FAM228B: variants seen among roughly 807,000 people sequenced by gnomAD.
FAM228B encodes family with sequence similarity 228 member B, also known as protein FAM228B.
In FAM228B, 38 loss-of-function variants were observed where a neutral mutation model predicts 42.6. That is an observed-to-expected ratio of 0.89 (90% CI 0.69 to 1.17). FAM228B has a LOEUF of 1.17. Among genes scored for constraint, FAM228B ranks in the 50% most tolerant of loss-of-function variants. The pLI is 0.00. For synonymous variants in FAM228B, 109 were observed against 122.3 expected, an observed-to-expected ratio of 0.89 and a Z score of 0.72; for missense variants, 344 against 367.3, an observed-to-expected ratio of 0.94 and a Z score of 0.52.
chr2:24,161,106 T>C (rs774231943), intron 7 of FAM228B, among the ~76,000 whole-genome samples: 17 of 152,242 alleles, frequency 1.1e-4, no homozygotes, highest in Non-Finnish European at 2.9e-5. Context: ...GCAGTCAGTG[T>C]ATAATAATAT....
At chr2:24,088,262 A>G (rs1028639911) in intron 2 of FAM228B, among the ~76,000 whole-genome samples, 3 of 151,928 alleles carry the variant, frequency 2.0e-5, no homozygotes, top group Admixed American at 6.6e-5. Flanking sequence ...GTGTACCCCA[A>G]CTCCATGGGG....
intron 2 of FAM228B, chr2:24,083,098 C>T (rs1480402478): frequency 6.2e-7 from 1 of 1,613,990 alleles, no homozygotes; most frequent in Non-Finnish European, 8.5e-7. Context: ...TGTCCAGATG[C>T]CTCAAGTCCC....
chr2:24,109,451 TAATTA>T (rs1433648992), intron 3 of FAM228B, among the ~76,000 whole-genome samples: 4 of 152,202 alleles, frequency 2.6e-5, no homozygotes, highest in African/African-American at 9.6e-5. Flanking sequence ...AAATGGCATG[TAATTA>T]AATTAAAGAG....
chr2:24,094,888 T>G (rs921462542), intron 2 of FAM228B, among the ~76,000 whole-genome samples: 1 of 151,842 alleles, frequency 6.6e-6, no homozygotes, highest in Non-Finnish European at 1.5e-5. Context: ...AGTTCAGGAG[T>G]TGGAGACCAG....
At chr2:24,106,990 G>A (rs1402524152) in intron 3 of FAM228B, among the ~76,000 whole-genome samples, 2 of 151,970 alleles carry the variant, frequency 1.3e-5, no homozygotes, top group African/African-American at 4.8e-5. Flanking sequence ...TGGCAAGCTG[G>A]ATAAAAAAGC....
chr2:24,081,665 C>T (rs1665006878), intron 2 of FAM228B, among the ~76,000 whole-genome samples: 1 of 151,952 alleles, frequency 6.6e-6, no homozygotes, highest in African/African-American at 2.4e-5. Flanking sequence ...CTACTGAGTG[C>T]AGTGGCTGGT....
At chr2:24,125,770 C>T (rs1426013140) in intron 2 of FAM228B, among the ~76,000 whole-genome samples, 1 of 152,088 alleles carries the variant, frequency 6.6e-6, no homozygotes, top group African/African-American at 2.4e-5. Flanking sequence ...ACCATGTTGG[C>T]CAGGCTGGTC....
intron 4 of FAM228B, 72 bp downstream of exon 4, chr2:24,138,172 TTCAG>T (rs1666652774): frequency 2.5e-6 from 3 of 1,203,210 alleles, no homozygotes; most frequent in Admixed American, 2.7e-5. Context: ...TTTATAATCA[TTCAG>T]TCAGTCTGTC....
chr2:24,119,778 C>T (rs1666038124), upstream of FAM228B: 3 of 850,312 alleles, frequency 3.5e-6, no homozygotes, highest in Admixed American at 6.6e-5. Context: ...TCCTGATTTC[C>T]ATATGTTTGG....
chr2:24,105,869 G>A (rs1665689687), intron 3 of FAM228B, among the ~76,000 whole-genome samples: 1 of 152,178 alleles, frequency 6.6e-6, no homozygotes, highest in Admixed American at 6.5e-5. Flanking sequence ...GAATCCCAGA[G>A]CTTGAAGACT....
At chr2:24,126,456 T>C (rs1266146392) in intron 2 of FAM228B, among the ~76,000 whole-genome samples, 1 of 152,248 alleles carries the variant, frequency 6.6e-6, no homozygotes. Flanking sequence ...GAGCATCTTT[T>C]CAAGTCTTAC....
At chr2:24,129,622 T>C (rs188874589) in intron 2 of FAM228B, among the ~76,000 whole-genome samples, 30 of 152,226 alleles carry the variant, frequency 2.0e-4, no homozygotes, top group Non-Finnish European at 3.1e-4. Flanking sequence ...TACTAACCCA[T>C]TGAGGTTTGT....
intron 2 of FAM228B, among the ~76,000 whole-genome samples, chr2:24,129,334 G>A (rs1413034460): frequency 1.3e-5 from 2 of 149,502 alleles, no homozygotes; most frequent in Non-Finnish European, 3.0e-5. Flanking sequence ...GTTGTTTCAG[G>A]TGGGAGAGTA....
chr2:24,155,805 G>T (rs1446738189), intron 7 of FAM228B, among the ~76,000 whole-genome samples: 1 of 152,022 alleles, frequency 6.6e-6, no homozygotes, highest in African/African-American at 2.4e-5. Context: ...CTCCCAAAGT[G>T]CTGGGATTAC....
At chr2:24,093,820 T>C (rs1376890317) in intron 2 of FAM228B, among the ~76,000 whole-genome samples, 1 of 152,020 alleles carries the variant, frequency 6.6e-6, no homozygotes, top group African/African-American at 2.4e-5. Flanking sequence ...GGTTTCACCA[T>C]ATTGGCCAGG....
intron 7 of FAM228B, among the ~76,000 whole-genome samples, chr2:24,160,735 T>C (rs1667266302): frequency 6.6e-6 from 1 of 152,220 alleles, no homozygotes; most frequent in Admixed American, 6.5e-5. Context: ...GCAAAATTTA[T>C]GTTCTACGCA....
chr2:24,165,565 A>G (rs1335722706), intron 9 of FAM228B: 1 of 426,630 alleles, frequency 2.3e-6, no homozygotes. Context: ...GCAGCTGTCA[A>G]CCTCTTCTGA....
intron 8 of FAM228B, among the ~76,000 whole-genome samples, chr2:24,163,016 A>G (rs1395613894): frequency 6.6e-6 from 1 of 152,170 alleles, no homozygotes; most frequent in East Asian, 1.9e-4. Context: ...CTGTAAATAT[A>G]CTAAAAACCA....
At chr2:24,107,141 C>T (rs1277860727) in intron 3 of FAM228B, among the ~76,000 whole-genome samples, 1 of 151,980 alleles carries the variant, frequency 6.6e-6, no homozygotes, top group Non-Finnish European at 1.5e-5. Flanking sequence ...TAATTTCAGA[C>T]AAAATGGACT....
Sources: allele counts gnomAD v4.1 joint callset (sites outside exome capture counted in the v4.1 genomes callset), GRCh38; gene constraint gnomAD v4.1.1; transcripts MANE v1.5; gene names NCBI Gene and HGNC (gene_info 2026-07-23, HGNC 2026-07-21).